The following CSMD2 variants were observed in gnomAD, a reference collection of about 807,000 sequenced individuals.
CSMD2 encodes CUB and sushi domain-containing protein 2.
In CSMD2, 130 loss-of-function variants were observed where a neutral mutation model predicts 398.5. The ratio of observed to expected loss-of-function variants is 0.33; its 90% confidence interval spans 0.28 to 0.38. CSMD2 has a LOEUF of 0.38. Ranked by LOEUF, CSMD2 falls within the 10% of genes least tolerant of loss-of-function variation. CSMD2 has a pLI of 1.00. For missense variants in CSMD2, 3,829 were observed against 4,764.9 expected, an observed-to-expected ratio of 0.80 and a Z score of 5.78; for synonymous variants, 1,828 against 1,908.5, an observed-to-expected ratio of 0.96 and a Z score of 1.10.
At chr1:33,726,038 G>C (rs1165200725) in intron 16 of CSMD2, among the ~76,000 whole-genome samples, 1 of 152,174 alleles carries the variant, frequency 6.6e-6, no homozygotes, top group Non-Finnish European at 1.5e-5. Context: ...TTTGCAGACT[G>C]CTATTCCAGG....
At chr1:33,889,753 C>CTGTGTGTGTGTGTGTGTG (rs55771161) in intron 5 of CSMD2, among the ~76,000 whole-genome samples, 2 of 148,066 alleles carry the variant, frequency 1.4e-5, no homozygotes, top group African/African-American at 5.0e-5. Context: ...ACCTCCTATC[C>CTGTGTGTGTGTGTGTGTG]TGTGTGTGTG....
At chr1:33,773,671 G>A (rs949901752) in intron 12 of CSMD2, among the ~76,000 whole-genome samples, 1 of 152,198 alleles carries the variant, frequency 6.6e-6, no homozygotes, top group Non-Finnish European at 1.5e-5. Flanking sequence ...GAGGGGAGGA[G>A]GAAGAAGAGG....
chr1:33,888,031 A>G (rs1209089636), intron 5 of CSMD2, among the ~76,000 whole-genome samples: 1 of 152,172 alleles, frequency 6.6e-6, no homozygotes, highest in African/African-American at 2.4e-5. Context: ...TAAAAACTAT[A>G]AAAGGACCTA....
At chr1:34,045,948 C>T (rs1418164096) in intron 2 of CSMD2, among the ~76,000 whole-genome samples, 1 of 152,242 alleles carries the variant, frequency 6.6e-6, no homozygotes, top group African/African-American at 2.4e-5. Flanking sequence ...CACCATGGTT[C>T]CCAAACGGTG....
intron 15 of CSMD2, among the ~76,000 whole-genome samples, chr1:33,732,272 G>A (rs1646744416): frequency 6.6e-6 from 1 of 152,228 alleles, no homozygotes; most frequent in Non-Finnish European, 1.5e-5. Context: ...TTTGTTGAAG[G>A]AATGAAATAC....
chr1:33,725,285 C>T (rs961105280), intron 17 of CSMD2, 64 bp downstream of exon 17: 1 of 1,404,966 alleles, frequency 7.1e-7, no homozygotes, highest in Non-Finnish European at 1.0e-6. Context: ...GAGCACAGTC[C>T]TGAGGCCTTT....
At chr1:34,000,173 T>C (rs919972419) in intron 3 of CSMD2, among the ~76,000 whole-genome samples, 2 of 152,138 alleles carry the variant, frequency 1.3e-5, no homozygotes, top group Non-Finnish European at 2.9e-5. Context: ...CGAAATTTTC[T>C]TAAAACAAAG....
chr1:33,577,568 CT>C (rs1430602343), intron 48 of CSMD2, 84 bp from the exon 49 acceptor site: 3 of 1,159,280 alleles, frequency 2.6e-6, no homozygotes, highest in South Asian at 1.6e-5. Flanking sequence ...TCCCTTTCGT[CT>C]CCCCCCCATC....
At chr1:33,948,359 T>C (rs980712426) in intron 3 of CSMD2, among the ~76,000 whole-genome samples, 1 of 152,170 alleles carries the variant, frequency 6.6e-6, no homozygotes, top group Non-Finnish European at 1.5e-5. Flanking sequence ...AAAAATGTCT[T>C]ACACAGAAAC....
Position 33,516,222 on chromosome 1 carries a change from C to CCTGTTCTTCATG in CSMD2, c.*401_*402insCATGAAGAACAG, listed in dbSNP as rs1653753334. ...GTGTGGGGAACAGGGCATGAAGCATCCTTCATGCGCACTTCTAGTTTTGAA... is the reference window on the plus strand; with the variant it reads ...GTGTGGGGAACAGGGCATGAAGCATCCTGTTCTTCATGCTTCATGCGCACTTCTAGTTTTGAA... On this transcript the variant is annotated 3_prime_UTR_variant, in exon 71 of 71. Coordinates refer to ENST00000373381, the MANE Select transcript of CSMD2 (RefSeq NM_001281956.2). 1 of 152,104 alleles carries CCTGTTCTTCATG rather than the reference C, an allele frequency of 6.6e-6. No individual in the cohort carries two copies. Among genetic ancestry groups the CCTGTTCTTCATG allele is most frequent in the South Asian group, 2.1e-4 (1 of 4,824 alleles). The allele number at this position is 152,104 out of a possible 1,614,324, so 9.4% of individuals were successfully genotyped here. A position where few individuals can be genotyped will look rare whatever the true frequency, so the allele number is the denominator to read the frequency against.
rs190057592 is a variant in CSMD2, at chr1:34,032,025, C to G, written c.517+569G>C. Among the ~76,000 whole-genome samples, 7 of 152,112 alleles carry G rather than the reference C, an allele frequency of 4.6e-5. No individual in the cohort carries two copies. The East Asian group carries it at 1.4e-3, about 29-fold the overall frequency. On this transcript the variant is annotated intron_variant, in intron 3 of 70. Transcript: ENST00000373381. ...GTTAATAATAATAATAGTGTATAAT[C>G]TGAAGATATTAGTGTTAATTTGAAT...
intron 12 of CSMD2, among the ~76,000 whole-genome samples, chr1:33,774,147 G>GTA (rs1557872689): frequency 6.9e-6 from 1 of 144,238 alleles, no homozygotes; most frequent in Non-Finnish European, 1.5e-5. Flanking sequence ...GTGTGTGTGT[G>GTA]TGATCATCTA....
intron 5 of CSMD2, among the ~76,000 whole-genome samples, chr1:33,898,618 G>C (rs1412720000): frequency 6.6e-6 from 1 of 152,164 alleles, no homozygotes; most frequent in Non-Finnish European, 1.5e-5. Flanking sequence ...AGTCGCCAGA[G>C]ACTTGTCAAC....
chr1:33,535,550 T>C (rs976973978), intron 62 of CSMD2, among the ~76,000 whole-genome samples: 1 of 152,240 alleles, frequency 6.6e-6, no homozygotes, highest in South Asian at 2.1e-4. Flanking sequence ...ACAAATTTCC[T>C]GTTTCTTGGT....
chr1:34,064,317 C>T (rs61694259), intron 2 of CSMD2, among the ~76,000 whole-genome samples: 5,830 of 152,192 alleles, frequency 0.038, 131 homozygotes, highest in East Asian at 0.061. Context: ...CTCTGTTTCC[C>T]TTTTGAAATG....
intron 5 of CSMD2, among the ~76,000 whole-genome samples, chr1:33,908,819 A>G (rs1372538024): frequency 6.6e-6 from 1 of 152,230 alleles, no homozygotes; most frequent in Non-Finnish European, 1.5e-5. Context: ...GCTCCGCGGC[A>G]GAGCTTGTAA....
intron 1 of CSMD2, among the ~76,000 whole-genome samples, chr1:34,135,557 G>T (rs1156578951): frequency 6.8e-6 from 1 of 146,988 alleles, no homozygotes; most frequent in Non-Finnish European, 1.5e-5. Flanking sequence ...GGCGGAGGTT[G>T]CCGTGAGCAG....
chr1:33,744,916 G>A (rs1292985815), intron 13 of CSMD2, among the ~76,000 whole-genome samples: 2 of 152,084 alleles, frequency 1.3e-5, no homozygotes, highest in African/African-American at 2.4e-5. Flanking sequence ...ATGTAAGTTC[G>A]CATCCAGAGC....
At chr1:33,564,242 T>G (rs1658842608) in intron 53 of CSMD2, among the ~76,000 whole-genome samples, 1 of 152,206 alleles carries the variant, frequency 6.6e-6, no homozygotes, top group South Asian at 2.1e-4. Flanking sequence ...TGAGACCTAA[T>G]GAGGTAAATC....
Sources: allele counts gnomAD v4.1 joint callset (sites outside exome capture counted in the v4.1 genomes callset), GRCh38; gene constraint gnomAD v4.1.1; transcripts MANE v1.5; gene names NCBI Gene and HGNC (gene_info 2026-07-23, HGNC 2026-07-21).